EYA2: variants seen among roughly 807,000 people sequenced by gnomAD.
The protein encoded by EYA2 is EYA transcriptional coactivator and phosphatase 2, also known as protein phosphatase EYA2.
Under a neutral mutation model 69.2 loss-of-function variants are expected in EYA2, and 31 were observed. The observed-to-expected ratio is 0.45, with a 90% confidence interval of 0.34 to 0.60. The LOEUF (loss-of-function observed/expected upper bound fraction) is 0.60, where lower values mean the gene tolerates loss of function less well. EYA2 is among the 20% of genes least tolerant of loss of function. EYA2 has a pLI of 0.02. For synonymous variants in EYA2, 257 were observed against 279.4 expected (o/e 0.92, Z 0.80); for missense variants, 622 against 701.2 (o/e 0.89, Z 1.28).
At chr20:47,088,290 G>A (rs1193040804) in intron 7 of EYA2, among the ~76,000 whole-genome samples, 3 of 152,212 alleles carry the variant, frequency 2.0e-5, no homozygotes, top group Admixed American at 6.5e-5. Context: ...GCAGGGAGAG[G>A]AAAGTAGAGA....
intron 1 of EYA2, among the ~76,000 whole-genome samples, chr20:46,910,647 T>G (rs1984598793): frequency 6.6e-6 from 1 of 152,196 alleles, no homozygotes; most frequent in South Asian, 2.1e-4. Flanking sequence ...CTGGATTTCT[T>G]TTTCTGCTCT....
intron 9 of EYA2, among the ~76,000 whole-genome samples, chr20:47,112,099 C>T (rs2032761082): frequency 6.6e-6 from 1 of 152,138 alleles, no homozygotes; most frequent in Admixed American, 6.5e-5. Flanking sequence ...CGAGGTGGCA[C>T]CACTGCACTC....
At chr20:47,078,325 G>GTGCACACACA (rs1555821907) in intron 7 of EYA2, among the ~76,000 whole-genome samples, 3 of 105,344 alleles carry the variant, frequency 2.8e-5, no homozygotes, top group Non-Finnish European at 5.7e-5. Flanking sequence ...ACGTGCGCGC[G>GTGCACACACA]CGCGCGCACA....
At position 47,188,626 on chromosome 20, in the gene EYA2, G is replaced by A. The variant is rs2034697141; in HGVS notation, c.*493G>A. ...CACTCTATTCTCCAAGTTGTGCTTTGTGGGGACAATCATTCTTTGAACATT... is the reference window on the plus strand; with the variant it reads ...CACTCTATTCTCCAAGTTGTGCTTTATGGGGACAATCATTCTTTGAACATT... On this transcript the variant is annotated 3_prime_UTR_variant, in exon 16 of 16. Coordinates refer to ENST00000327619, the MANE Select transcript of EYA2 (RefSeq NM_005244.5). 2.8e-6 allele frequency: 1 copy of A among 363,428 alleles called. No homozygotes were observed. The highest frequency in any genetic ancestry group is 4.2e-5 in the Admixed American group (1 of 24,046). The allele number at this position is 363,428 out of a possible 1,614,324, so 22.5% of individuals were successfully genotyped here.
chr20:46,989,968 G>T (rs2146327956), intron 1 of EYA2, 33 bp from the exon 2 acceptor site: 1 of 1,083,622 alleles, frequency 9.2e-7, no homozygotes, highest in South Asian at 1.3e-5. Flanking sequence ...CATAATTAAT[G>T]AATAAATTAT....
In EYA2 at chr20:47,089,192, A is replaced by C. The variant is rs200804921; in HGVS notation, c.662-47A>C. 3.1e-6 allele frequency: 5 copies of C among 1,601,118 alleles called. No homozygotes were observed. In the East Asian group the frequency reaches 1.1e-4, roughly 36 times the overall value. On this transcript the variant is annotated intron_variant, in intron 7 of 15. Transcript: ENST00000327619. ...GTTGGGATATTTCCCAGGAGGAGACACCCAGCAAAGCTTCTGATTTGTCCA... is the reference window on the plus strand; with the variant it reads ...GTTGGGATATTTCCCAGGAGGAGACCCCCAGCAAAGCTTCTGATTTGTCCA...
intron 9 of EYA2, among the ~76,000 whole-genome samples, chr20:47,141,696 G>A (rs140523266): frequency 7.9e-5 from 12 of 152,172 alleles, no homozygotes; most frequent in Admixed American, 2.0e-4. Flanking sequence ...TGCCTTCCAG[G>A]CTAACAGAAT....
intron 5 of EYA2, among the ~76,000 whole-genome samples, chr20:47,063,270 G>C (rs927649121): frequency 1.3e-5 from 2 of 151,916 alleles, no homozygotes; most frequent in African/African-American, 2.4e-5. Context: ...TTTTGTCTCT[G>C]TAGACTATCT....
intron 9 of EYA2, among the ~76,000 whole-genome samples, chr20:47,127,038 C>T (rs560494852): frequency 7.2e-5 from 11 of 152,152 alleles, no homozygotes; most frequent in African/African-American, 2.7e-4. Flanking sequence ...AATTTGTAAA[C>T]ACACAAAAGC....
intron 8 of EYA2, among the ~76,000 whole-genome samples, chr20:47,090,945 ACTT>A (rs1049398901): frequency 2.0e-5 from 3 of 152,100 alleles, no homozygotes; most frequent in African/African-American, 7.2e-5. Context: ...ACCGGTTTAT[ACTT>A]CTTTGAAAAA....
chr20:47,105,216 T>A (rs2032539379), intron 9 of EYA2, among the ~76,000 whole-genome samples: 1 of 152,232 alleles, frequency 6.6e-6, no homozygotes, highest in African/African-American at 2.4e-5. Context: ...CCTTTATAAT[T>A]GGCATCTCCA....
At chr20:47,004,575 T>G (rs1982579630) in intron 3 of EYA2, among the ~76,000 whole-genome samples, 8 of 152,168 alleles carry the variant, frequency 5.3e-5, no homozygotes, top group Admixed American at 3.3e-4. Context: ...CCAGGGTGTT[T>G]CCGTATCATG....
intron 5 of EYA2, among the ~76,000 whole-genome samples, chr20:47,057,750 G>T (rs2030703252): frequency 6.6e-6 from 1 of 152,216 alleles, no homozygotes; most frequent in Non-Finnish European, 1.5e-5. Flanking sequence ...CACTGCCGGG[G>T]CTGGCATGTC....
chr20:46,990,060 T>C lies in EYA2; in HGVS notation c.50T>C (p.Leu17Pro), dbSNP rs202031659. The stretch of plus-strand genomic sequence containing the variant: ...AGCCTCACTGTAAACAGCGATTGTC[T>C]GGATAAACTGAAGTTTAACCGTGCT... ...SPSLTVNSDCLDKLKFNRADA... is the reference protein window; with the variant it reads ...SPSLTVNSDCPDKLKFNRADA... Residue 17 changes from leucine (L) to proline (P), a missense_variant, in exon 2 of 16, where the codon CTG becomes CCG. Leu to Pro is a moderately conservative substitution (Grantham distance 98). Around this residue, in one of 2 missense-constraint regions of EYA2, gnomAD observed 365 missense variants for 349.7 expected, o/e 1.04. Coordinates refer to ENST00000327619, the MANE Select transcript of EYA2 (RefSeq NM_005244.5). The C allele has an allele frequency of 5.0e-4, 800 of 1,613,092 alleles. 11 individuals carry two copies. The South Asian group carries it at 8.3e-3, about 17-fold the overall frequency.
intron 9 of EYA2, among the ~76,000 whole-genome samples, chr20:47,142,645 T>G (rs529077903): frequency 1.2e-4 from 18 of 152,330 alleles, no homozygotes; most frequent in South Asian, 8.3e-4. Flanking sequence ...ACATCCCAAC[T>G]CTCCCAGTAG....
chr20:46,969,708 C>T (rs1420102377), intron 1 of EYA2, among the ~76,000 whole-genome samples: 1 of 152,074 alleles, frequency 6.6e-6, no homozygotes, highest in Admixed American at 6.5e-5. Flanking sequence ...GGAGTTAATT[C>T]CCTTGGCTTG....
At chr20:46,959,637 C>T (rs1979345704) in intron 1 of EYA2, among the ~76,000 whole-genome samples, 1 of 138,660 alleles carries the variant, frequency 7.2e-6, no homozygotes, top group African/African-American at 2.5e-5. Flanking sequence ...CAAACGTGCA[C>T]ACATGCACGC....
Position 46,940,756 on chromosome 20 carries a change from G to C in EYA2, c.-11+45769G>C, listed in dbSNP as rs144981248. Among the ~76,000 whole-genome samples the C allele has an allele frequency of 6.1e-3, 933 of 152,316 alleles. 8 individuals carry two copies. Among genetic ancestry groups the C allele is most frequent in the African/African-American group, 0.021 (881 of 41,578 alleles). ...GTGGCCAAAGCTCCAGGCAGCTGGT[G>C]GCATCGGGGGCTATGGCCAGCTGTC... On this transcript the variant is annotated intron_variant, in intron 1 of 15. Transcript: ENST00000327619.
chr20:46,939,333 G>A (rs1049718236), intron 1 of EYA2, among the ~76,000 whole-genome samples: 3 of 152,214 alleles, frequency 2.0e-5, no homozygotes, highest in Non-Finnish European at 4.4e-5. Context: ...TTTTCTAGCA[G>A]CTTGCAGGAG....
Sources: gnomAD v4.1 joint callset for allele counts (sites outside exome capture counted in the v4.1 genomes callset) on GRCh38, gnomAD v4.1.1 for gene constraint, gnomAD v4.1.1 regional missense constraint, MANE v1.5 for transcripts, NCBI Gene and HGNC (gene_info 2026-07-23, HGNC 2026-07-21) for gene names.